TNR: variants seen among roughly 807,000 people sequenced by gnomAD.
TNR encodes tenascin R, also known as tenascin-R.
Under a neutral mutation model 150.4 loss-of-function variants are expected in TNR, and 45 were observed. That is an observed-to-expected ratio of 0.30 (90% confidence interval 0.24 to 0.38). TNR has a LOEUF of 0.38. TNR is among the 10% of genes least tolerant of loss of function. TNR has a pLI of 1.00. For synonymous variants in TNR, 687 were observed against 678.4 expected (o/e 1.01, Z -0.20); for missense variants, 1,544 against 1,759.1 (o/e 0.88, Z 2.19).
In TNR at chr1:175,386,290, G is replaced by T; in HGVS notation, c.1519C>A (p.Pro507Thr). 1 of 1,565,688 alleles carries T rather than the reference G, an allele frequency of 6.4e-7. No homozygotes were observed. The highest frequency in any genetic ancestry group is 8.7e-7 in the Non-Finnish European group (1 of 1,149,988). ...SASVSTVIDG[P>T]TQILVRDVSD... ...ACATCGCGAACCAGGATCTGCGTGG[G>T]GCCGTCAATGACTGAGTGAGAAGGA... is the stretch of plus-strand genomic sequence containing the variant. The change falls in exon 8 of 23, where the codon CCC (proline) becomes ACC (threonine). Residue 507 changes from proline to threonine, a missense_variant. Physicochemically the swap from Pro to Thr is conservative, Grantham distance 38. This residue lies in a region of TNR where 1,254 missense variants were observed against 1,329.4 expected (regional missense o/e 0.94). Transcript: ENST00000367674.
At chr1:175,509,763 A>G (rs1659094819) in intron 2 of TNR, among the ~76,000 whole-genome samples, 1 of 152,208 alleles carries the variant, frequency 6.6e-6, no homozygotes, top group Non-Finnish European at 1.5e-5. Flanking sequence ...TCTAACCAAT[A>G]AAGAATGGAT....
At chr1:175,392,897 A>G (rs575404437) in intron 6 of TNR, among the ~76,000 whole-genome samples, 3 of 152,342 alleles carry the variant, frequency 2.0e-5, no homozygotes, top group South Asian at 2.1e-4. Context: ...TGTAACTCCA[A>G]CAGTTCACAG....
chr1:175,393,906 G>C lies in TNR; in HGVS notation c.1241-11C>G. The C allele has an allele frequency of 6.3e-7, 1 of 1,593,160 alleles. No individual in the cohort carries two copies. Among genetic ancestry groups the C allele is most frequent in the Non-Finnish European group, 8.6e-7 (1 of 1,160,950 alleles). ...GAGGAGTGGAGAGATCTGGAACACA[G>C]CAATGTAGGTGACAATGTCATGGCT... On this transcript the variant is annotated splice_polypyrimidine_tract_variant and intron_variant, in intron 5 of 22. Coordinates refer to ENST00000367674, the MANE Select transcript of TNR (RefSeq NM_003285.3).
At chr1:175,584,371 A>G (rs1662483397) in intron 1 of TNR, among the ~76,000 whole-genome samples, 1 of 152,220 alleles carries the variant, frequency 6.6e-6, no homozygotes, top group South Asian at 2.1e-4. Flanking sequence ...AGAAACCAGA[A>G]GAAGCAAGGG....
intron 1 of TNR, among the ~76,000 whole-genome samples, chr1:175,572,049 C>G (rs1420367285): frequency 6.6e-6 from 1 of 151,966 alleles, no homozygotes; most frequent in Non-Finnish European, 1.5e-5. Context: ...TGAGAAGCAC[C>G]CTCACCCTCA....
chr1:175,595,655 C>T (rs1392333732), intron 1 of TNR, among the ~76,000 whole-genome samples: 1 of 152,116 alleles, frequency 6.6e-6, no homozygotes, highest in Non-Finnish European at 1.5e-5. Context: ...AGTAGACCCA[C>T]TAAATTACCA....
At chr1:175,692,413 T>C (rs1666395833) in intron 1 of TNR, among the ~76,000 whole-genome samples, 1 of 152,220 alleles carries the variant, frequency 6.6e-6, no homozygotes, top group Admixed American at 6.5e-5. Context: ...GGACCAAATA[T>C]ATGTGTGCGT....
At chr1:175,323,584 A>G in intron 22 of TNR, 108 bp from the exon 23 acceptor site, 2 of 1,465,024 alleles carry the variant, frequency 1.4e-6, no homozygotes, top group South Asian at 1.3e-5. Flanking sequence ...GGGGTTAGCT[A>G]TTTTCAGCTA....
intron 2 of TNR, among the ~76,000 whole-genome samples, chr1:175,505,143 C>G (rs1183523193): frequency 0.013 from 1 of 80 alleles, no homozygotes; most frequent in Non-Finnish European, 0.023. Flanking sequence ...CCCCCAAACC[C>G]AGGCTGCCTC....
In TNR at chr1:175,517,152, T is replaced by C. The variant is rs186543975; in HGVS notation, c.-64+11117A>G. ...CACAAGTAGAGGTGCTGAAATATCT[T>C]TTCTGGACACTTTCCCCTACCTCCC... On this transcript the variant is annotated intron_variant, in intron 2 of 22. Coordinates refer to ENST00000367674, the MANE Select transcript of TNR (RefSeq NM_003285.3). 2.6e-3 allele frequency among the ~76,000 whole-genome samples: 391 copies of C among 152,134 alleles called. 4 individuals are homozygous for C. The Middle Eastern group carries it at 0.027, about 11-fold the overall frequency.
chr1:175,635,736 C>A (rs1664472443), intron 1 of TNR, among the ~76,000 whole-genome samples: 1 of 152,078 alleles, frequency 6.6e-6, no homozygotes, highest in Admixed American at 6.6e-5. Flanking sequence ...CCACAGAAGA[C>A]CCTCAATTAA....
chr1:175,569,993 G>A (rs943942402), intron 1 of TNR, among the ~76,000 whole-genome samples: 3 of 152,092 alleles, frequency 2.0e-5, no homozygotes, highest in Non-Finnish European at 4.4e-5. Context: ...GTTAGCTGGC[G>A]GCCAAGACCT....
chr1:175,329,996 A>G, intron 21 of TNR, 78 bp downstream of exon 21: 1 of 1,379,378 alleles, frequency 7.2e-7, no homozygotes. Flanking sequence ...CTGCTTCCTG[A>G]GGCAGCTTAC....
intron 18 of TNR, among the ~76,000 whole-genome samples, chr1:175,352,497 G>C (rs1651099759): frequency 6.6e-6 from 1 of 152,164 alleles, no homozygotes; most frequent in South Asian, 2.1e-4. Flanking sequence ...GAGGACCATG[G>C]AGCCCTCTTT....
chr1:175,615,313 A>C (rs1287598005), intron 1 of TNR, among the ~76,000 whole-genome samples: 1 of 152,126 alleles, frequency 6.6e-6, no homozygotes, highest in Non-Finnish European at 1.5e-5. Flanking sequence ...CCATAAAGGG[A>C]TGTTGAGCAC....
chr1:175,438,751 T>A (rs1655634003), intron 2 of TNR, among the ~76,000 whole-genome samples: 1 of 152,208 alleles, frequency 6.6e-6, no homozygotes, highest in Admixed American at 6.5e-5. Flanking sequence ...GAGAGCCAAA[T>A]CATGAGTGAA....
chr1:175,571,895 T>A (rs549071597), intron 1 of TNR, among the ~76,000 whole-genome samples: 26 of 152,180 alleles, frequency 1.7e-4, no homozygotes, highest in Non-Finnish European at 3.7e-4. Flanking sequence ...AGAGTCCAAG[T>A]GAAACTTTAT....
At chr1:175,669,256 T>C (rs905958216) in intron 1 of TNR, among the ~76,000 whole-genome samples, 2 of 152,248 alleles carry the variant, frequency 1.3e-5, no homozygotes, top group African/African-American at 4.8e-5. Flanking sequence ...TGGAACTCCC[T>C]TCTTCTCTGC....
chr1:175,323,361 A>G lies in TNR; in HGVS notation c.4073T>C (p.Phe1358Ser). 6.2e-7 allele frequency: 1 copy of G among 1,614,130 alleles called. No individual in the cohort carries two copies. ...MAGRKRQSLQ[F>S] The stretch of plus-strand genomic sequence containing the variant: ...TGGCTTGCAGCCGCCCACTGCTCAG[A>G]ACTGTAAGGACTGCCGTTTTCTCCC... The change falls in exon 23 of 23, where the codon TTC becomes TCC. Residue 1358 changes from phenylalanine (F) to serine (S), a missense_variant. Around this residue, in one of 2 missense-constraint regions of TNR, gnomAD observed 290 missense variants for 429.7 expected, o/e 0.67. Coordinates refer to ENST00000367674, the MANE Select transcript of TNR (RefSeq NM_003285.3).
Sources: allele counts gnomAD v4.1 joint callset (sites outside exome capture counted in the v4.1 genomes callset), GRCh38; gene constraint gnomAD v4.1.1; regional missense constraint gnomAD v4.1.1; transcripts MANE v1.5; gene names NCBI Gene and HGNC (gene_info 2026-07-23, HGNC 2026-07-21).